The following KIAA0319 variants were observed in gnomAD, a reference collection of about 807,000 sequenced individuals.
The protein encoded by KIAA0319 is dyslexia-associated protein KIAA0319.
In KIAA0319, 83 loss-of-function variants were observed where a neutral mutation model predicts 108.4. The ratio of observed to expected loss-of-function variants is 0.77; its 90% CI spans 0.64 to 0.92. The LOEUF (loss-of-function observed/expected upper bound fraction) is 0.92. KIAA0319 is among the 40% of genes least tolerant of loss of function. The pLI, the probability that KIAA0319 is intolerant of heterozygous loss-of-function variation, is 0.00. For synonymous variants in KIAA0319, 484 were observed against 510.4 expected, an observed-to-expected ratio of 0.95 and a Z score of 0.70; for missense variants, 1,195 against 1,322.4, an observed-to-expected ratio of 0.90 and a Z score of 1.49.
chr6:24,635,910 G>A (rs746217949), intron 1 of KIAA0319, among the ~76,000 whole-genome samples: 5 of 152,218 alleles, frequency 3.3e-5, no homozygotes, highest in Admixed American at 3.3e-4. Flanking sequence ...AGGCAAGTGG[G>A]TAGGCATCTT....
At chr6:24,559,203 C>G (rs1561928805) in intron 16 of KIAA0319, 48 bp from the exon 17 acceptor site, 1 of 1,595,288 alleles carries the variant, frequency 6.3e-7, no homozygotes. Flanking sequence ...CAGATGGTGA[C>G]TACCATGACA....
intron 1 of KIAA0319, among the ~76,000 whole-genome samples, chr6:24,622,366 CAAAT>C (rs1162395412): frequency 8.3e-6 from 1 of 119,936 alleles, no homozygotes; most frequent in African/African-American, 3.1e-5. Context: ...CTATGATAAA[CAAAT>C]AGAAGATTAA....
chr6:24,564,194 G>C lies in KIAA0319; in HGVS notation c.2431+8C>G, dbSNP rs1763526442. 1 of 1,613,928 alleles carries C rather than the reference G, an allele frequency of 6.2e-7. No individual in the cohort carries two copies. The highest frequency in any genetic ancestry group is 8.5e-7 in the Non-Finnish European group (1 of 1,179,996). On this transcript the variant is annotated splice_region_variant and intron_variant, in intron 15 of 20. Transcript: ENST00000378214. The stretch of plus-strand genomic sequence containing the variant: ...CTGCATGGCCAGCTCCAGAGCCCAG[G>C]AACTCACCTGGCTGCACTTCCACAG...
intron 5 of KIAA0319, among the ~76,000 whole-genome samples, chr6:24,582,553 TG>T (rs1262156419): frequency 1.3e-5 from 2 of 151,716 alleles, no homozygotes. Flanking sequence ...CTTATGAACT[TG>T]ACTTTCAACT....
At chr6:24,556,333 A>C (rs1762282911) in intron 18 of KIAA0319, among the ~76,000 whole-genome samples, 1 of 151,962 alleles carries the variant, frequency 6.6e-6, no homozygotes, top group African/African-American at 2.4e-5. Flanking sequence ...GGCACACGCA[A>C]CCACACTCAG....
At chr6:24,606,110 CT>C (rs1169282232) in intron 1 of KIAA0319, among the ~76,000 whole-genome samples, 3 of 151,968 alleles carry the variant, frequency 2.0e-5, no homozygotes, top group Admixed American at 6.6e-5. Flanking sequence ...AACTTTTGTA[CT>C]TTTTTAGTAG....
rs1295998550 is a variant in KIAA0319 at position 24,596,346 on chromosome 6, G to T, written c.328C>A (p.Pro110Thr). 1 of 1,614,076 alleles carries T rather than the reference G, an allele frequency of 6.2e-7. No homozygotes were observed. The highest frequency in any genetic ancestry group is 8.5e-7 in the Non-Finnish European group (1 of 1,180,032). Reference protein sequence around the residue: ...LTFVLRPVQRPAQLLDYGDMM... With the variant: ...LTFVLRPVQRTAQLLDYGDMM... ...TCCCCATAGTCCAGCAGCTGTGCAG[G>T]CCTCTGAACAGGCCGGAGCACAAAA... Residue 110 changes from proline (P) to threonine (T), a missense_variant, in exon 3 of 21, where the codon CCT becomes ACT. Physicochemically the swap from Pro to Thr is conservative, Grantham distance 38. Transcript: ENST00000378214.
At chr6:24,597,888 AGCCTG>A (rs1769901981) in intron 2 of KIAA0319, 1 of 138,596 alleles carries the variant, frequency 7.2e-6, no homozygotes, top group African/African-American at 2.9e-5. Context: ...ACTGCACTCC[AGCCTG>A]GGTGACAGAG....
chr6:24,563,276 G>A, intron 16 of KIAA0319, 83 bp downstream of exon 16: 1 of 1,427,092 alleles, frequency 7.0e-7, no homozygotes, highest in East Asian at 2.4e-5. Flanking sequence ...GCAGAGGAAT[G>A]AACAGTTTTC....
chr6:24,621,881 C>T (rs1773992572), intron 1 of KIAA0319, among the ~76,000 whole-genome samples: 1 of 152,158 alleles, frequency 6.6e-6, no homozygotes, highest in Admixed American at 6.5e-5. Flanking sequence ...AGAGACAGAA[C>T]CGGCCAAGGC....
chr6:24,575,596 C>T (rs1190363351), intron 10 of KIAA0319, among the ~76,000 whole-genome samples: 1 of 152,032 alleles, frequency 6.6e-6, no homozygotes, highest in Non-Finnish European at 1.5e-5. Flanking sequence ...CTCATAATTG[C>T]AAGGCATGTT....
intron 1 of KIAA0319, among the ~76,000 whole-genome samples, chr6:24,625,626 G>A (rs1231230193): frequency 6.6e-6 from 1 of 152,158 alleles, no homozygotes; most frequent in African/African-American, 2.4e-5. Flanking sequence ...GGAAAGGAAT[G>A]TGTAAAACTA....
At chr6:24,596,702 C>T in intron 2 of KIAA0319, 84 bp from the exon 3 acceptor site, 2 of 1,277,312 alleles carry the variant, frequency 1.6e-6, no homozygotes, top group Non-Finnish European at 2.2e-6. Flanking sequence ...AAAAGGGAGT[C>T]TTCTCAATCC....
At chr6:24,583,271 T>A in intron 5 of KIAA0319, 1 of 1,009,264 alleles carries the variant, frequency 9.9e-7, no homozygotes, top group Non-Finnish European at 1.2e-6. Flanking sequence ...CTCATCCCGG[T>A]GGAATCTTCC....
chr6:24,555,937 A>C (rs1169504927), intron 18 of KIAA0319, among the ~76,000 whole-genome samples: 1 of 152,230 alleles, frequency 6.6e-6, no homozygotes, highest in Admixed American at 6.5e-5. Flanking sequence ...AATGCCAGCA[A>C]TAGTGAGCCA....
In KIAA0319 at chr6:24,596,533, C is replaced by A; in HGVS notation, c.141G>T (p.Arg47=). ...SPNLETTRIM[R]VSHTFPVVDC... is the part of the protein sequence containing the mutation. Reference sequence around the variant, plus strand: ...CTACGACAGGGAAGGTGTGAGACACCCGCATGATTCTGGTGGTTTCCAAGT... The same window carrying A: ...CTACGACAGGGAAGGTGTGAGACACACGCATGATTCTGGTGGTTTCCAAGT... Residue 47 remains arginine, a synonymous_variant, in exon 3 of 21, where the codon CGG becomes CGT. Coordinates refer to ENST00000378214, the MANE Select transcript of KIAA0319 (RefSeq NM_014809.4). The A allele has an allele frequency of 1.9e-6, 3 of 1,613,962 alleles. No individual in the cohort carries two copies. The highest frequency in any genetic ancestry group is 2.5e-6 in the Non-Finnish European group (3 of 1,180,014).
intron 1 of KIAA0319, among the ~76,000 whole-genome samples, chr6:24,611,000 T>C (rs62400531): frequency 0.14 from 20,741 of 152,112 alleles, 1,777 homozygotes; most frequent in South Asian, 0.32. Flanking sequence ...CAAAACATTA[T>C]GCTAAGTGAA....
intron 4 of KIAA0319, 118 bp from the exon 5 acceptor site, chr6:24,583,820 G>T: frequency 1.5e-6 from 1 of 681,558 alleles, no homozygotes; most frequent in Non-Finnish European, 2.5e-6. Context: ...TTTTGTAATA[G>T]TTCTTCATAA....
chr6:24,579,414 T>TAG (rs569711046), intron 8 of KIAA0319, among the ~76,000 whole-genome samples: 14 of 140,646 alleles, frequency 1.0e-4, no homozygotes, highest in African/African-American at 2.5e-4. Context: ...TATATAAAGA[T>TAG]ATATATATAT....
Sources: gnomAD v4.1 joint callset for allele counts (sites outside exome capture counted in the v4.1 genomes callset) on GRCh38, gnomAD v4.1.1 for gene constraint, MANE v1.5 for transcripts, NCBI Gene and HGNC (gene_info 2026-07-23, HGNC 2026-07-21) for gene names.